GRM7: variants seen among roughly 807,000 people sequenced by gnomAD.
GRM7 encodes the protein metabotropic glutamate receptor 7.
Under a neutral mutation model 84.5 loss-of-function variants are expected in GRM7, and 35 were observed. The ratio of observed to expected loss-of-function variants is 0.41; its 90% CI spans 0.32 to 0.55. GRM7 has a LOEUF of 0.55. Ranked by LOEUF, GRM7 falls within the 20% of genes least tolerant of loss-of-function variation. GRM7 has a pLI of 0.19. For missense variants in GRM7, 1,003 were observed against 1,194.6 expected (o/e 0.84, Z 2.36); for synonymous variants, 487 against 455.1 (o/e 1.07, Z -0.89).
At chr3:7,055,710 A>G (rs1042309295) in intron 1 of GRM7, among the ~76,000 whole-genome samples, 1 of 151,836 alleles carries the variant, frequency 6.6e-6, no homozygotes, top group African/African-American at 2.4e-5. Context: ...TAGTAGAGAC[A>G]GGATTTCACC....
intron 2 of GRM7, among the ~76,000 whole-genome samples, chr3:7,222,406 C>T (rs909391017): frequency 2.0e-5 from 3 of 151,930 alleles, no homozygotes; most frequent in Non-Finnish European, 4.4e-5. Context: ...TTCCATGTAC[C>T]AAGGAATGCT....
Position 7,224,604 on chromosome 3 carries a change from A to G in GRM7, c.737-74080A>G, listed in dbSNP as rs116144597. 4.5e-3 allele frequency among the ~76,000 whole-genome samples: 679 copies of G among 152,326 alleles called. 2 individuals are homozygous for G. Among genetic ancestry groups the G allele is most frequent in the African/African-American group, 0.016 (653 of 41,574 alleles). On this transcript the variant is annotated intron_variant, in intron 2 of 9. Transcript: ENST00000357716. ...GAAATGTAAGAGAAATGAGGAGCTTAGTGGATGGTGTTCACTGAGAAAATT... is the reference window on the plus strand; with the variant it reads ...GAAATGTAAGAGAAATGAGGAGCTTGGTGGATGGTGTTCACTGAGAAAATT...
At chr3:7,221,804 A>ATTT (rs540956206) in intron 2 of GRM7, among the ~76,000 whole-genome samples, 63 of 97,360 alleles carry the variant, frequency 6.5e-4, no homozygotes, top group Middle Eastern at 7.7e-3. Context: ...AATTTCTTGT[A>ATTT]TTTTTTTTTT....
intron 4 of GRM7, among the ~76,000 whole-genome samples, chr3:7,313,171 C>T (rs1017624992): frequency 1.3e-5 from 2 of 152,040 alleles, no homozygotes; most frequent in African/African-American, 2.4e-5. Context: ...TCAGGCAATC[C>T]GCCCTCCTCA....
intron 4 of GRM7, among the ~76,000 whole-genome samples, chr3:7,321,305 A>G (rs375112939): frequency 4.5e-4 from 68 of 152,218 alleles, no homozygotes; most frequent in African/African-American, 1.5e-3. Flanking sequence ...TCCTATTTGT[A>G]CTTCTAACTA....
At chr3:7,499,323 T>A (rs1303343742) in intron 7 of GRM7, among the ~76,000 whole-genome samples, 5 of 152,174 alleles carry the variant, frequency 3.3e-5, no homozygotes, top group Non-Finnish European at 7.3e-5. Flanking sequence ...GTTCTGTTCC[T>A]CTGGGTAGTC....
chr3:6,933,400 C>T (rs1203766846), intron 1 of GRM7, among the ~76,000 whole-genome samples: 1 of 152,076 alleles, frequency 6.6e-6, no homozygotes, highest in Non-Finnish European at 1.5e-5. Context: ...TATAAACCTA[C>T]ACATCATGTA....
chr3:7,486,077 T>C lies in GRM7; in HGVS notation c.1515+24355T>C, dbSNP rs1482791985. On this transcript the variant is annotated intron_variant, in intron 7 of 9. Transcript: ENST00000357716. This position sits in a 1 kb window ranked among gnomAD's most constrained non-coding sequence, Gnocchi z 5.5. ...GAAGTTGAGATAAACTTTAAAGTTC[T>C]TCAAAGAGTCAAAGGATGAGATAAA... is the stretch of plus-strand genomic sequence containing the variant. Among the ~76,000 whole-genome samples the C allele has an allele frequency of 7.9e-5, 12 of 152,204 alleles. 1 individual carries two copies. Among genetic ancestry groups the C allele is most frequent in the Admixed American group, 7.9e-4 (12 of 15,274 alleles).
chr3:7,497,193 C>A (rs11131076), intron 7 of GRM7, among the ~76,000 whole-genome samples: 1 of 151,620 alleles, frequency 6.6e-6, no homozygotes, highest in African/African-American at 2.4e-5. Context: ...GTCTGAGAGC[C>A]CTGGATAGGG....
chr3:7,539,654 G>T (rs191847670), intron 7 of GRM7, among the ~76,000 whole-genome samples: 3 of 139,078 alleles, frequency 2.2e-5, no homozygotes, highest in African/African-American at 5.4e-5. Context: ...CAGCCTGGGC[G>T]ACAGAGCAAG....
rs1050898398 is a variant in GRM7 at position 6,861,993 on chromosome 3, G to C, written c.519+86G>C. ...AAGCTGGCTTGGACTCCGGTGGTGC[G>C]GGTCAGGTCAGCCTTCGCTCATTTC... On this transcript the variant is annotated intron_variant, in intron 1 of 9. Transcript: ENST00000357716. This position sits in a 1 kb window ranked among gnomAD's most constrained non-coding sequence, Gnocchi z 6.4. 8.6e-7 allele frequency: 1 copy of C among 1,164,010 alleles called. No individual in the cohort carries two copies. The highest frequency in any genetic ancestry group is 1.5e-5 in the African/African-American group (1 of 65,186). The allele number at this position is 1,164,010 out of a possible 1,614,324, so 72.1% of individuals were successfully genotyped here. A position where few individuals can be genotyped will look rare whatever the true frequency, so the allele number is the denominator to read the frequency against.
chr3:7,633,744 A>T (rs1237902858), intron 8 of GRM7, among the ~76,000 whole-genome samples: 1 of 152,200 alleles, frequency 6.6e-6, no homozygotes, highest in Non-Finnish European at 1.5e-5. Flanking sequence ...CTTCCCCGCA[A>T]TGCATTACCG....
In GRM7 at chr3:7,306,570, A is replaced by T. The variant is rs2125034611; in HGVS notation, c.951A>T (p.Gly317=). The T allele has an allele frequency of 2.5e-6, 4 of 1,613,854 alleles. No homozygotes were observed. Among genetic ancestry groups the T allele is most frequent in the Non-Finnish European group, 3.4e-6 (4 of 1,179,854 alleles). The stretch of plus-strand genomic sequence containing the variant: ...TTTGGGTGGGATCAGACAGCTGGGG[A>T]TCCAAAATAAACCCACTGCACCAGC... ...HFLWVGSDSW[G]SKINPLHQHE... The change falls in exon 4 of 10, where the codon GGA becomes GGT. Residue 317 remains glycine, a synonymous_variant. Coordinates refer to ENST00000357716, the MANE Select transcript of GRM7 (RefSeq NM_000844.4).
At chr3:7,357,544 A>G (rs374847857) in intron 4 of GRM7, among the ~76,000 whole-genome samples, 3 of 152,150 alleles carry the variant, frequency 2.0e-5, no homozygotes, top group Non-Finnish European at 2.9e-5. Flanking sequence ...TAAAAGTAAA[A>G]GATACCCTGT....
chr3:6,940,372 G>C (rs1057214465), intron 1 of GRM7, among the ~76,000 whole-genome samples: 1 of 152,196 alleles, frequency 6.6e-6, no homozygotes, highest in Non-Finnish European at 1.5e-5. Context: ...TTACAGGAGT[G>C]AACCACTGCG....
intron 4 of GRM7, among the ~76,000 whole-genome samples, chr3:7,380,481 T>C (rs1310965368): frequency 1.3e-5 from 2 of 152,220 alleles, no homozygotes; most frequent in East Asian, 3.9e-4. Flanking sequence ...AATGAGTGCA[T>C]CATTGGTTGA....
At chr3:7,509,472 T>C (rs1700133846) in intron 7 of GRM7, among the ~76,000 whole-genome samples, 1 of 152,148 alleles carries the variant, frequency 6.6e-6, no homozygotes, top group African/African-American at 2.4e-5. Flanking sequence ...CCTCTGCAGA[T>C]AAGGAGGAAC....
At chr3:7,000,123 T>C (rs913272232) in intron 1 of GRM7, among the ~76,000 whole-genome samples, 2 of 151,822 alleles carry the variant, frequency 1.3e-5, no homozygotes, top group Admixed American at 1.3e-4. Context: ...TAACTTTTTT[T>C]CATCAATATA....
chr3:6,906,867 C>G (rs1216340439), intron 1 of GRM7, among the ~76,000 whole-genome samples: 1 of 152,068 alleles, frequency 6.6e-6, no homozygotes, highest in Non-Finnish European at 1.5e-5. Context: ...AACATCCTTA[C>G]TTAGGTATAA....
Sources: allele counts gnomAD v4.1 joint callset (sites outside exome capture counted in the v4.1 genomes callset), GRCh38; gene constraint gnomAD v4.1.1; non-coding constraint Gnocchi (gnomAD v3.1); transcripts MANE v1.5; gene names NCBI Gene and HGNC (gene_info 2026-07-23, HGNC 2026-07-21).